DNAH9: variants seen among roughly 807,000 people sequenced by gnomAD.
DNAH9 encodes the protein dynein axonemal heavy chain 9.
A neutral mutation model predicts 471.6 loss-of-function variants in DNAH9; 345 were observed. The observed-to-expected ratio is 0.73, with a 90% CI of 0.67 to 0.80. DNAH9 has a LOEUF of 0.80. DNAH9 is among the 30% of genes least tolerant of loss of function. DNAH9 has a pLI of 0.00. For missense variants in DNAH9, 5,407 were observed against 5,609.2 expected (o/e 0.96, Z 1.15); for synonymous variants, 2,093 against 2,123.6 (o/e 0.99, Z 0.40).
chr17:11,891,756 T>C, intron 57 of DNAH9, 21 bp from the exon 58 acceptor site: 1 of 1,612,470 alleles, frequency 6.2e-7, no homozygotes, highest in Non-Finnish European at 8.5e-7. Context: ...ACCTTACCAG[T>C]TTCCTGTCTT....
chr17:11,896,579 G>A (rs1411317500), intron 59 of DNAH9, among the ~76,000 whole-genome samples: 1 of 151,958 alleles, frequency 6.6e-6, no homozygotes, highest in Non-Finnish European at 1.5e-5. Flanking sequence ...AGAAATAAGG[G>A]GGTACTCCAT....
In DNAH9 at chr17:11,669,535, G is replaced by A. The variant is rs752836113; in HGVS notation, c.3094G>A (p.Gly1032Arg). The change falls in exon 17 of 69, where the codon GGG becomes AGG. Residue 1032 changes from glycine (G) to arginine (R), a missense_variant. Physicochemically the swap from Gly to Arg is moderately radical, Grantham distance 125. Around this residue, in one of 3 missense-constraint regions of DNAH9, gnomAD observed 4,636 missense variants for 4,900.3 expected, o/e 0.95. Coordinates refer to ENST00000262442, the MANE Select transcript of DNAH9 (RefSeq NM_001372.4). ...KEVLGQFLLYGHILTPEEIED... is the reference protein window; with the variant it reads ...KEVLGQFLLYRHILTPEEIED... The stretch of plus-strand genomic sequence containing the variant: ...GGTTCTGGGTCAGTTTCTGCTGTAC[G>A]GGCACATCCTCACTCCGGAAGAAAT... 2.5e-5 allele frequency: 40 copies of A among 1,613,940 alleles called. No individual in the cohort carries two copies. The highest frequency in any genetic ancestry group is 9.9e-5 in the South Asian group (9 of 91,080).
In DNAH9 at chr17:11,783,721, C is replaced by T; in HGVS notation, c.7794C>T (p.Gly2598=). The change falls in exon 40 of 69, where the codon GGC becomes GGT. Residue 2598 remains glycine, a synonymous_variant. Coordinates refer to ENST00000262442, the MANE Select transcript of DNAH9 (RefSeq NM_001372.4). ...QYVSCMNPTA[G]SFTINPRLQR... is the part of the protein sequence containing the mutation. ...TTTCCTGTATGAACCCCACGGCAGG[C>T]AGCTTCACCATCAACCCCCGGCTTC... is the stretch of plus-strand genomic sequence containing the variant. The T allele has an allele frequency of 6.2e-7, 1 of 1,614,138 alleles. No homozygotes were observed. Among genetic ancestry groups the T allele is most frequent in the Non-Finnish European group, 8.5e-7 (1 of 1,180,014 alleles).
chr17:11,673,165 C>T (rs2073997780), intron 17 of DNAH9, among the ~76,000 whole-genome samples: 1 of 152,234 alleles, frequency 6.6e-6, no homozygotes, highest in Non-Finnish European at 1.5e-5. Context: ...TTTTCCTAGA[C>T]ACTTCCCAAT....
intron 57 of DNAH9, among the ~76,000 whole-genome samples, chr17:11,890,735 G>T (rs1324251042): frequency 1.3e-5 from 2 of 152,108 alleles, no homozygotes; most frequent in African/African-American, 2.4e-5. Flanking sequence ...TTGAGACAGG[G>T]TCTCACTCTG....
rs1415295112 is a variant in DNAH9 at position 11,744,919 on chromosome 17, C to T, written c.6234C>T (p.Asn2078=). 6.2e-7 allele frequency: 1 copy of T among 1,614,110 alleles called. No individual in the cohort carries two copies. The highest frequency in any genetic ancestry group is 8.5e-7 in the Non-Finnish European group (1 of 1,180,050). ...TGATGCGCTCCTTGCGGGATTTCAA[C>T]ATCCCCAAGATTGTGACTGATGACA... is the stretch of plus-strand genomic sequence containing the variant. The part of the protein sequence containing the change: ...QVLMRSLRDF[N]IPKIVTDDMP... Residue 2078 remains asparagine (N), a synonymous_variant, in exon 31 of 69, where the codon AAC becomes AAT. Coordinates refer to ENST00000262442, the MANE Select transcript of DNAH9 (RefSeq NM_001372.4).
chr17:11,776,165 G>A (rs569184451), intron 38 of DNAH9, among the ~76,000 whole-genome samples: 44 of 152,166 alleles, frequency 2.9e-4, no homozygotes, highest in African/African-American at 8.9e-4. Context: ...GCTTTTGACC[G>A]CAAGTAGTGG....
intron 59 of DNAH9, among the ~76,000 whole-genome samples, chr17:11,898,259 G>A (rs909892273): frequency 2.0e-5 from 3 of 151,938 alleles, no homozygotes; most frequent in Admixed American, 6.6e-5. Flanking sequence ...CAAGTAGCTG[G>A]GATTACCGGC....
At chr17:11,825,679 C>G (rs987709335) in intron 48 of DNAH9, among the ~76,000 whole-genome samples, 1 of 152,202 alleles carries the variant, frequency 6.6e-6, no homozygotes, top group Admixed American at 6.5e-5. Flanking sequence ...AGGTTCTTGT[C>G]TTTGCCACAC....
intron 35 of DNAH9, among the ~76,000 whole-genome samples, chr17:11,760,429 T>A (rs1274941795): frequency 2.0e-5 from 3 of 152,206 alleles, no homozygotes; most frequent in Non-Finnish European, 4.4e-5. Context: ...ATATTCTGAC[T>A]GTATTAAGTC....
In DNAH9 at chr17:11,928,427, G is replaced by A. The variant is rs1479138162; in HGVS notation, c.11878-1439G>A. ...AGTGCTGGGCTCAGCTCTGATCTGT[G>A]TATTTAAGGCTTTGCATGCTTACTT... On this transcript the variant is annotated intron_variant, in intron 62 of 68. Coordinates refer to ENST00000262442, the MANE Select transcript of DNAH9 (RefSeq NM_001372.4). Among the ~76,000 whole-genome samples the A allele has an allele frequency of 2.0e-5, 3 of 152,210 alleles. No individual in the cohort carries two copies. The East Asian group carries it at 5.8e-4, about 29-fold the overall frequency.
At chr17:11,881,181 T>C (rs758414266) in intron 54 of DNAH9, 28 bp from the exon 55 acceptor site, 1 of 1,613,116 alleles carries the variant, frequency 6.2e-7, no homozygotes, top group Non-Finnish European at 8.5e-7. Flanking sequence ...GAAGGCACCT[T>C]ACCTTCACAT....
At chr17:11,632,728 A>C (rs1453768705) in intron 8 of DNAH9, 25 bp downstream of exon 8, 1 of 1,217,442 alleles carries the variant, frequency 8.2e-7, no homozygotes, top group Middle Eastern at 1.9e-4. Flanking sequence ...GGCAGGAGCC[A>C]CTCGGTCCTG....
rs756896873 is a variant in DNAH9, at chr17:11,875,123, A to G, written c.10417A>G (p.Ile3473Val). 6 of 1,614,084 alleles carry G rather than the reference A, an allele frequency of 3.7e-6. No individual in the cohort carries two copies. The African/African-American group carries it at 6.7e-5, about 18-fold the overall frequency. Residue 3473 changes from isoleucine (I) to valine (V), a missense_variant, in exon 53 of 69, where the codon ATC becomes GTC. Ile to Val is a conservative substitution (Grantham distance 29). Around this residue, in one of 3 missense-constraint regions of DNAH9, gnomAD observed 4,636 missense variants for 4,900.3 expected, o/e 0.95. Coordinates refer to ENST00000262442, the MANE Select transcript of DNAH9 (RefSeq NM_001372.4). ...PLMVDPQLQG[I>V]KWIKNKYGED... ...CATGGTTGACCCTCAGCTACAAGGCATCAAATGGATCAAGAATAAATATGG... is the reference window on the plus strand; with the variant it reads ...CATGGTTGACCCTCAGCTACAAGGCGTCAAATGGATCAAGAATAAATATGG...
intron 6 of DNAH9, among the ~76,000 whole-genome samples, chr17:11,624,740 T>G (rs779294365): frequency 1.3e-5 from 2 of 152,084 alleles, no homozygotes; most frequent in Non-Finnish European, 2.9e-5. Context: ...TTTTCTCCCT[T>G]CCTTCCTTCT....
At chr17:11,959,189 T>C (rs949897015) in intron 67 of DNAH9, among the ~76,000 whole-genome samples, 4 of 152,234 alleles carry the variant, frequency 2.6e-5, no homozygotes, top group African/African-American at 9.6e-5. Flanking sequence ...GCTTTCTCTC[T>C]AAGTTTGGGA....
chr17:11,815,401 A>T (rs1343877131), intron 45 of DNAH9, among the ~76,000 whole-genome samples: 1 of 152,076 alleles, frequency 6.6e-6, no homozygotes, highest in Non-Finnish European at 1.5e-5. Context: ...TTTTGCCTTG[A>T]CAAACGCCAA....
At chr17:11,817,803 TTAAC>T (rs1251128654) in intron 45 of DNAH9, among the ~76,000 whole-genome samples, 14 of 152,222 alleles carry the variant, frequency 9.2e-5, no homozygotes, top group Non-Finnish European at 7.3e-5. Context: ...ATGCATGTCA[TTAAC>T]TATCTCAAAG....
At chr17:11,889,544 C>T (rs1329239895) in intron 57 of DNAH9, among the ~76,000 whole-genome samples, 1 of 152,182 alleles carries the variant, frequency 6.6e-6, no homozygotes, top group Non-Finnish European at 1.5e-5. Context: ...CCTCCCTATT[C>T]GGTATTAAAC....
Sources: allele counts gnomAD v4.1 joint callset (sites outside exome capture counted in the v4.1 genomes callset), GRCh38; gene constraint gnomAD v4.1.1; regional missense constraint gnomAD v4.1.1; transcripts MANE v1.5; gene names NCBI Gene and HGNC (gene_info 2026-07-23, HGNC 2026-07-21).